GRM1: variants seen among roughly 807,000 people sequenced by gnomAD.
GRM1 encodes metabotropic glutamate receptor 1.
Under a neutral mutation model 90.9 loss-of-function variants are expected in GRM1, and 33 were observed. That is an observed-to-expected ratio of 0.36 (90% CI 0.28 to 0.49). The LOEUF is 0.49. Ranked by LOEUF, GRM1 falls within the 20% of genes least tolerant of loss-of-function variation. The pLI is 0.99. For synonymous variants in GRM1, 700 were observed against 613.2 expected (o/e 1.14, Z -2.09); for missense variants, 1,190 against 1,534.3 (o/e 0.78, Z 3.75).
At chr6:146,350,889 G>T (rs899071174) in intron 3 of GRM1, among the ~76,000 whole-genome samples, 2 of 152,108 alleles carry the variant, frequency 1.3e-5, no homozygotes, top group Non-Finnish European at 2.9e-5. Flanking sequence ...GCTGGAAAAT[G>T]GATTAAAATC....
At chr6:146,255,482 C>G in intron 2 of GRM1, among the ~76,000 whole-genome samples, 1 of 152,072 alleles carries the variant, frequency 6.6e-6, no homozygotes. Flanking sequence ...CTTGATCTAT[C>G]CTTATCAAAC....
chr6:146,295,524 C>T (rs1000828352), intron 2 of GRM1, among the ~76,000 whole-genome samples: 1 of 152,114 alleles, frequency 6.6e-6, no homozygotes, highest in Admixed American at 6.6e-5. Context: ...TGAGCCACCA[C>T]ACCAGCCTAT....
chr6:146,039,623 G>A (rs1165718141), intron 1 of GRM1, among the ~76,000 whole-genome samples: 1 of 151,940 alleles, frequency 6.6e-6, no homozygotes, highest in African/African-American at 2.4e-5. Context: ...TTGGAAATTA[G>A]GAGACAAATC....
intron 2 of GRM1, among the ~76,000 whole-genome samples, chr6:146,251,245 T>C (rs902485676): frequency 6.6e-6 from 1 of 152,206 alleles, no homozygotes; most frequent in Non-Finnish European, 1.5e-5. Flanking sequence ...GCATCTTAAA[T>C]ACTGACTCCA....
chr6:146,397,977 T>A (rs1777026875), intron 6 of GRM1, among the ~76,000 whole-genome samples: 1 of 152,094 alleles, frequency 6.6e-6, no homozygotes, highest in Non-Finnish European at 1.5e-5. Context: ...TGTGAAGGGG[T>A]TGTCCCAGAG....
chr6:146,411,681 G>C (rs920754852), intron 7 of GRM1, among the ~76,000 whole-genome samples: 1 of 152,158 alleles, frequency 6.6e-6, no homozygotes, highest in African/African-American at 2.4e-5. Context: ...CTGTGGCTTT[G>C]ACAGGTGGGA....
At chr6:146,141,352 G>A (rs184707290) in intron 1 of GRM1, among the ~76,000 whole-genome samples, 2 of 147,460 alleles carry the variant, frequency 1.4e-5, no homozygotes, top group African/African-American at 2.5e-5. Context: ...ATTATTAAAT[G>A]CCTCGAAGTA....
At chr6:146,331,497 G>A (rs1389001822) in intron 3 of GRM1, among the ~76,000 whole-genome samples, 3 of 152,140 alleles carry the variant, frequency 2.0e-5, no homozygotes, top group Non-Finnish European at 4.4e-5. Context: ...AATGTGAAGG[G>A]TGTGTGCATG....
chr6:146,231,484 T>C (rs1460256297), intron 2 of GRM1, among the ~76,000 whole-genome samples: 1 of 152,084 alleles, frequency 6.6e-6, no homozygotes, highest in Admixed American at 6.6e-5. Flanking sequence ...AACAGATAAT[T>C]TCAACAAAGA....
intron 5 of GRM1, among the ~76,000 whole-genome samples, chr6:146,367,388 T>C (rs1461627588): frequency 2.0e-5 from 3 of 152,210 alleles, no homozygotes; most frequent in African/African-American, 4.8e-5. Flanking sequence ...TTGGATTATT[T>C]TGTGGTTCCA....
intron 7 of GRM1, among the ~76,000 whole-genome samples, chr6:146,419,865 T>C (rs1213740822): frequency 6.6e-6 from 1 of 152,136 alleles, no homozygotes; most frequent in Non-Finnish European, 1.5e-5. Context: ...TTCTCTGACA[T>C]GCTGGGATTA....
intron 1 of GRM1, among the ~76,000 whole-genome samples, chr6:146,049,677 A>G (rs1009348203): frequency 6.6e-6 from 1 of 151,572 alleles, no homozygotes; most frequent in Non-Finnish European, 1.5e-5. Context: ...CTATCTATCT[A>G]TCTATCTATC....
intron 2 of GRM1, among the ~76,000 whole-genome samples, chr6:146,241,973 T>G (rs1780881166): frequency 5.3e-5 from 8 of 152,128 alleles, no homozygotes; most frequent in Admixed American, 5.3e-4. Flanking sequence ...AGTTTAGTTA[T>G]GAAGTATCTT....
intron 1 of GRM1, among the ~76,000 whole-genome samples, chr6:146,090,539 A>G (rs1776681202): frequency 6.6e-6 from 1 of 152,144 alleles, no homozygotes; most frequent in Admixed American, 6.6e-5. Flanking sequence ...CATTAAGATT[A>G]GCCTTTATTG....
At chr6:146,228,567 C>T (rs538171882) in intron 2 of GRM1, among the ~76,000 whole-genome samples, 2 of 152,034 alleles carry the variant, frequency 1.3e-5, no homozygotes, top group South Asian at 4.1e-4. Context: ...CCATAGCAAC[C>T]GGGAACCTAG....
At position 146,320,105 on chromosome 6, in the gene GRM1, C is replaced by T. The variant is rs532956724; in HGVS notation, c.1186+15259C>T. Among the ~76,000 whole-genome samples the T allele has an allele frequency of 4.3e-3, 659 of 152,234 alleles. 3 individuals are homozygous for T. Among genetic ancestry groups the T allele is most frequent in the Middle Eastern group, 6.8e-3 (2 of 294 alleles). ...AGTATGATATTGGCTGTGGGTTTGT[C>T]ATAAATAGCTCTTATTATTTTGAGA... is the stretch of plus-strand genomic sequence containing the variant. On this transcript the variant is annotated intron_variant, in intron 3 of 7. Transcript: ENST00000282753.
intron 2 of GRM1, among the ~76,000 whole-genome samples, chr6:146,264,540 C>T (rs370609055): frequency 1.6e-4 from 24 of 148,982 alleles, no homozygotes; most frequent in East Asian, 7.8e-4. Flanking sequence ...TTTTTAGATT[C>T]GGGGGTTACA....
At chr6:146,327,091 A>G (rs1212246455) in intron 3 of GRM1, among the ~76,000 whole-genome samples, 1 of 152,206 alleles carries the variant, frequency 6.6e-6, no homozygotes, top group African/African-American at 2.4e-5. Flanking sequence ...TCAGTGAACC[A>G]GTTTTGATAC....
At chr6:146,395,626 A>G (rs1014527332) in intron 6 of GRM1, among the ~76,000 whole-genome samples, 21 of 152,264 alleles carry the variant, frequency 1.4e-4, no homozygotes, top group Non-Finnish European at 2.5e-4. Context: ...TCCAAATTCT[A>G]TAGCAAACAT....
Sources: gnomAD v4.1 joint callset for allele counts (sites outside exome capture counted in the v4.1 genomes callset) on GRCh38, gnomAD v4.1.1 for gene constraint, MANE v1.5 for transcripts, NCBI Gene and HGNC (gene_info 2026-07-23, HGNC 2026-07-21) for gene names.